Variants in DTNB observed in about 807,000 individuals in gnomAD.
DTNB encodes DTN-B.
In DTNB, 63 loss-of-function variants were observed where a neutral mutation model predicts 90.7. The observed-to-expected ratio is 0.69, with a 90% confidence interval of 0.57 to 0.86. The LOEUF is 0.86. DTNB is among the 40% of genes least tolerant of loss of function. The pLI is 0.00. For synonymous variants in DTNB, 277 were observed against 286.7 expected (o/e 0.97, Z 0.34); for missense variants, 744 against 807.1 (o/e 0.92, Z 0.95).
chr2:25,488,178 G>T (rs1342767941), intron 9 of DTNB, among the ~76,000 whole-genome samples: 2 of 152,146 alleles, frequency 1.3e-5, no homozygotes, highest in Admixed American at 6.5e-5. Context: ...AGGAGGCCAG[G>T]TAAGAGGTTA....
At chr2:25,428,693 AAAGTG>A (rs2052755887) in intron 14 of DTNB, among the ~76,000 whole-genome samples, 4 of 152,170 alleles carry the variant, frequency 2.6e-5, no homozygotes, top group Non-Finnish European at 5.9e-5. Flanking sequence ...TCAGCCTCCC[AAAGTG>A]CTGGGATTAC....
intron 2 of DTNB, among the ~76,000 whole-genome samples, chr2:25,648,993 CTTTTTTTTTTTTT>C (rs60749102): frequency 1.1e-5 from 1 of 93,988 alleles, no homozygotes; most frequent in Non-Finnish European, 2.0e-5. Flanking sequence ...TCCTTCCTAC[CTTTTTTTTTTTTT>C]TTTTTTTTTT....
chr2:25,394,157 A>G (rs2041862172), intron 16 of DTNB, among the ~76,000 whole-genome samples: 1 of 152,206 alleles, frequency 6.6e-6, no homozygotes, highest in Non-Finnish European at 1.5e-5. Context: ...AGGACACCCT[A>G]CTTAACAAAT....
At chr2:25,552,052 C>G (rs2056381816) in intron 8 of DTNB, among the ~76,000 whole-genome samples, 1 of 152,204 alleles carries the variant, frequency 6.6e-6, no homozygotes, top group Non-Finnish European at 1.5e-5. Flanking sequence ...CTGCTCATAT[C>G]TCTCTGAGGA....
chr2:25,636,725 G>A (rs1028281042), intron 3 of DTNB, among the ~76,000 whole-genome samples: 64 of 151,910 alleles, frequency 4.2e-4, no homozygotes, highest in African/African-American at 1.5e-3. Flanking sequence ...TACCACATAA[G>A]TTGCATTCTA....
intron 9 of DTNB, among the ~76,000 whole-genome samples, chr2:25,488,990 G>A (rs2066785816): frequency 6.6e-6 from 1 of 152,166 alleles, no homozygotes. Flanking sequence ...AGGCGGGGTA[G>A]GAGAGGTTTG....
chr2:25,654,915 GCA>G (rs1391692822), intron 1 of DTNB, among the ~76,000 whole-genome samples: 1 of 152,140 alleles, frequency 6.6e-6, no homozygotes, highest in African/African-American at 2.4e-5. Context: ...ACAGTTCCCA[GCA>G]CACAGTCAGT....
chr2:25,405,790 C>T (rs532994783), intron 16 of DTNB, among the ~76,000 whole-genome samples: 3 of 152,146 alleles, frequency 2.0e-5, no homozygotes, highest in African/African-American at 7.2e-5. Context: ...CAAGAGGAGC[C>T]GGTGAAGGTT....
chr2:25,565,450 A>G (rs929647885), intron 8 of DTNB, among the ~76,000 whole-genome samples: 1 of 151,818 alleles, frequency 6.6e-6, no homozygotes, highest in Non-Finnish European at 1.5e-5. Context: ...GCGTTTCACT[A>G]TGTTGCTCAG....
At chr2:25,648,275 C>T (rs977117680) in intron 2 of DTNB, among the ~76,000 whole-genome samples, 2 of 152,002 alleles carry the variant, frequency 1.3e-5, no homozygotes, top group African/African-American at 4.8e-5. Context: ...AAATATTTAT[C>T]GAGGCACCAT....
intron 8 of DTNB, among the ~76,000 whole-genome samples, chr2:25,558,810 C>T (rs917066538): frequency 2.0e-5 from 3 of 152,156 alleles, no homozygotes; most frequent in Admixed American, 6.5e-5. Context: ...ACTGAAAATG[C>T]GGATAAAGGT....
intron 9 of DTNB, among the ~76,000 whole-genome samples, chr2:25,511,759 TGAA>T (rs1052070014): frequency 1.6e-4 from 24 of 152,224 alleles, no homozygotes; most frequent in African/African-American, 5.8e-4. Context: ...TTTCTCAAAA[TGAA>T]GACTTTAAAA....
At chr2:25,527,052 T>A (rs1183054386) in intron 9 of DTNB, among the ~76,000 whole-genome samples, 1 of 152,136 alleles carries the variant, frequency 6.6e-6, no homozygotes, top group South Asian at 2.1e-4. Context: ...CAAAGAAGAA[T>A]CCTAACATAA....
At chr2:25,655,593 G>A (rs2081916851) in intron 1 of DTNB, among the ~76,000 whole-genome samples, 1 of 152,150 alleles carries the variant, frequency 6.6e-6, no homozygotes, top group Non-Finnish European at 1.5e-5. Flanking sequence ...TTCCAAAAAG[G>A]GCATCTGGAG....
At chr2:25,519,697 G>A (rs1312233121) in intron 9 of DTNB, among the ~76,000 whole-genome samples, 1 of 152,046 alleles carries the variant, frequency 6.6e-6, no homozygotes, top group Non-Finnish European at 1.5e-5. Flanking sequence ...TCGGATTTTG[G>A]AGCATTCCAG....
At chr2:25,425,264 G>A (rs1401874261) in intron 15 of DTNB, among the ~76,000 whole-genome samples, 1 of 151,996 alleles carries the variant, frequency 6.6e-6, no homozygotes, top group Admixed American at 6.5e-5. Context: ...AAATACTCAG[G>A]GCCAAAGCTA....
intron 6 of DTNB, among the ~76,000 whole-genome samples, chr2:25,584,039 T>C (rs1006526935): frequency 1.1e-4 from 16 of 152,316 alleles, no homozygotes; most frequent in Non-Finnish European, 2.1e-4. Flanking sequence ...TCACTGAACA[T>C]CTCTGAGTTT....
Position 25,520,367 on chromosome 2 carries a change from G to A in DTNB, c.1001+11106C>T, listed in dbSNP as rs189891746. On this transcript the variant is annotated intron_variant, in intron 9 of 20. Transcript: ENST00000406818. The stretch of plus-strand genomic sequence containing the variant: ...AGCCTGGGCGACAGAGCAAGACTCC[G>A]TCTCAAACAAACAAACAAACAAAAC... 6.4e-4 allele frequency among the ~76,000 whole-genome samples: 97 copies of A among 152,226 alleles called. No individual in the cohort carries two copies. In the Middle Eastern group the frequency reaches 0.01, roughly 16 times the overall value.
In DTNB at chr2:25,601,567, T is replaced by G. The variant is rs145813010; in HGVS notation, c.449-5327A>C. Among the ~76,000 whole-genome samples the G allele has an allele frequency of 1.8e-3, 274 of 152,330 alleles. 2 individuals carry two copies. The highest frequency in any genetic ancestry group is 6.3e-3 in the African/African-American group (261 of 41,582). On this transcript the variant is annotated intron_variant, in intron 5 of 20. Coordinates refer to ENST00000406818, the MANE Select transcript of DTNB (RefSeq NM_021907.5). The stretch of plus-strand genomic sequence containing the variant: ...TTACTGGCTGGATCTATCCATCTAT[T>G]TCAACTCCCCTTTCATCCCCACATG...
Sources: gnomAD v4.1 joint callset for allele counts (sites outside exome capture counted in the v4.1 genomes callset) on GRCh38, gnomAD v4.1.1 for gene constraint, MANE v1.5 for transcripts, NCBI Gene and HGNC (gene_info 2026-07-23, HGNC 2026-07-21) for gene names.